Variants in RARB observed in about 807,000 individuals in gnomAD.
The protein encoded by RARB is retinoic acid receptor beta.
Under a neutral mutation model 51.9 loss-of-function variants are expected in RARB, and 17 were observed. That is an observed-to-expected ratio of 0.33 (90% CI 0.22 to 0.49). The LOEUF (loss-of-function observed/expected upper bound fraction) is 0.49, where lower values mean the gene tolerates loss of function less well. Among genes scored for constraint, RARB ranks in the 20% least tolerant of loss-of-function variants. The pLI, the probability that RARB is intolerant of heterozygous loss-of-function variation, is 0.99. For synonymous variants in RARB, 215 were observed against 195.4 expected, an observed-to-expected ratio of 1.10 and a Z score of -0.84; for missense variants, 369 against 550.8, an observed-to-expected ratio of 0.67 and a Z score of 3.30.
At chr3:25,277,217 T>C (rs1454922965) in intron 5 of RARB, among the ~76,000 whole-genome samples, 1 of 152,102 alleles carries the variant, frequency 6.6e-6, no homozygotes, top group Non-Finnish European at 1.5e-5. Context: ...AATTGGTAGA[T>C]TTGCGTTGTG....
At chr3:25,270,074 C>T (rs1703218608) in intron 5 of RARB, among the ~76,000 whole-genome samples, 1 of 152,148 alleles carries the variant, frequency 6.6e-6, no homozygotes, top group Non-Finnish European at 1.5e-5. Context: ...GAAAATGCAG[C>T]ATCTTCTATG....
At chr3:25,010,375 G>A (rs1450488996) in intron 2 of RARB, among the ~76,000 whole-genome samples, 1 of 152,040 alleles carries the variant, frequency 6.6e-6, no homozygotes, top group African/African-American at 2.4e-5. Flanking sequence ...TTTTATAACT[G>A]CATGCACAAA....
chr3:24,884,384 A>G (rs1444337694), intron 2 of RARB, among the ~76,000 whole-genome samples: 2 of 152,166 alleles, frequency 1.3e-5, no homozygotes, highest in African/African-American at 4.8e-5. Flanking sequence ...GTTTAAGGGA[A>G]AGTACATGAG....
intron 5 of RARB, among the ~76,000 whole-genome samples, chr3:25,328,571 C>A (rs1225716900): frequency 6.6e-6 from 1 of 152,090 alleles, no homozygotes; most frequent in East Asian, 1.9e-4. Context: ...TCCAAGATGG[C>A]CGAATAGGAA....
At chr3:25,526,955 G>C (rs1276625102) in intron 3 of RARB, among the ~76,000 whole-genome samples, 1 of 152,138 alleles carries the variant, frequency 6.6e-6, no homozygotes, top group African/African-American at 2.4e-5. Context: ...CTGGAAGCAG[G>C]GTGTGTGTGG....
chr3:25,270,477 G>A (rs1034161933), intron 5 of RARB, among the ~76,000 whole-genome samples: 1 of 152,046 alleles, frequency 6.6e-6, no homozygotes, highest in Non-Finnish European at 1.5e-5. Context: ...TGGTAAAAAT[G>A]TTATGCATAT....
At chr3:24,908,218 T>G (rs1206268005) in intron 2 of RARB, among the ~76,000 whole-genome samples, 2 of 152,208 alleles carry the variant, frequency 1.3e-5, no homozygotes, top group Non-Finnish European at 2.9e-5. Context: ...ACTTGGATTT[T>G]TATTGTTAGA....
chr3:25,165,580 T>C lies in RARB; in HGVS notation c.-279-8539T>C, dbSNP rs142825519. Reference sequence around the variant, plus strand: ...ATTCGCTTGGCTTGGGAGGATTCCATAATATGTAGCATGGAAACTGTTGTA... The same window carrying C: ...ATTCGCTTGGCTTGGGAGGATTCCACAATATGTAGCATGGAAACTGTTGTA... On this transcript the variant is annotated intron_variant, in intron 4 of 11. Coordinates refer to the RARB transcript ENST00000383772. 9.9e-5 allele frequency among the ~76,000 whole-genome samples: 15 copies of C among 152,264 alleles called. No individual in the cohort carries two copies. In the East Asian group the frequency reaches 2.9e-3, roughly 30 times the overall value.
intron 5 of RARB, among the ~76,000 whole-genome samples, chr3:25,349,604 C>A (rs1441863427): frequency 2.0e-5 from 3 of 152,104 alleles, no homozygotes; most frequent in African/African-American, 7.2e-5. Context: ...CAATTCATGT[C>A]CTCAAATGAG....
chr3:25,401,020 T>G (rs986808689), intron 5 of RARB, among the ~76,000 whole-genome samples: 1 of 152,132 alleles, frequency 6.6e-6, no homozygotes, highest in Non-Finnish European at 1.5e-5. Context: ...TCAGGAACTT[T>G]CTCATTCTTA....
chr3:25,293,365 A>G (rs539483423), intron 5 of RARB, among the ~76,000 whole-genome samples: 1 of 152,204 alleles, frequency 6.6e-6, no homozygotes, highest in South Asian at 2.1e-4. Flanking sequence ...TTAAGAGTTG[A>G]TGTTTTATAA....
intron 5 of RARB, among the ~76,000 whole-genome samples, chr3:25,322,999 G>C (rs909704520): frequency 6.6e-6 from 1 of 152,116 alleles, no homozygotes; most frequent in Non-Finnish European, 1.5e-5. Flanking sequence ...CTTCATGTGG[G>C]GTTGTCTGCA....
At chr3:24,882,738 C>T (rs530865557) in intron 2 of RARB, among the ~76,000 whole-genome samples, 1 of 152,160 alleles carries the variant, frequency 6.6e-6, no homozygotes, top group African/African-American at 2.4e-5. Flanking sequence ...AGTCCACAGA[C>T]ATTCCCCATG....
chr3:25,363,399 G>T (rs1706013680), intron 5 of RARB, among the ~76,000 whole-genome samples: 1 of 152,122 alleles, frequency 6.6e-6, no homozygotes, highest in Non-Finnish European at 1.5e-5. Context: ...AACGTAGCAT[G>T]TCCAGAACTC....
At chr3:25,197,697 C>G (rs551399141) in intron 5 of RARB, among the ~76,000 whole-genome samples, 1 of 151,528 alleles carries the variant, frequency 6.6e-6, no homozygotes, top group Non-Finnish European at 1.5e-5. Flanking sequence ...TCAATAGTTA[C>G]AAATAAAATA....
exon 5 of RARB, chr3:25,174,185 G>A (rs1233751299): frequency 3.1e-5 from 8 of 257,096 alleles, no homozygotes; most frequent in East Asian, 8.7e-5. Flanking sequence ...GCTGAACGAC[G>A]AAAGCATCCT....
At chr3:24,845,255 G>A (rs1363921362) in intron 1 of RARB, among the ~76,000 whole-genome samples, 1 of 152,162 alleles carries the variant, frequency 6.6e-6, no homozygotes, top group Non-Finnish European at 1.5e-5. Flanking sequence ...ACTAGCTATG[G>A]TATCAGATAA....
At chr3:25,016,676 C>A (rs1388875189) in intron 2 of RARB, among the ~76,000 whole-genome samples, 1 of 151,986 alleles carries the variant, frequency 6.6e-6, no homozygotes, top group Non-Finnish European at 1.5e-5. Flanking sequence ...ATTGTGACAC[C>A]CCTCATGGTG....
intron 2 of RARB, among the ~76,000 whole-genome samples, chr3:25,485,274 T>G (rs1696407608): frequency 6.6e-6 from 1 of 152,216 alleles, no homozygotes; most frequent in South Asian, 2.1e-4. Flanking sequence ...AATTAATTCT[T>G]GCTCCTAGGA....
Sources: allele counts gnomAD v4.1 joint callset (sites outside exome capture counted in the v4.1 genomes callset), GRCh38; gene constraint gnomAD v4.1.1; transcripts MANE v1.5; gene names NCBI Gene and HGNC (gene_info 2026-07-23, HGNC 2026-07-21).